HOMEZ: variants seen among roughly 807,000 people sequenced by gnomAD.
The protein encoded by HOMEZ is homeobox and leucine zipper encoding.
In HOMEZ, 20 loss-of-function variants were observed where a neutral mutation model predicts 50.1. The observed-to-expected ratio is 0.40, with a 90% CI of 0.28 to 0.58. HOMEZ has a LOEUF of 0.58. HOMEZ is among the 20% of genes least tolerant of loss of function. The probability of loss-of-function intolerance (pLI) is 0.46; values close to 1 mark genes in which losing one functional copy is unlikely to be tolerated. For synonymous variants in HOMEZ, 239 were observed against 254.7 expected, an observed-to-expected ratio of 0.94 and a Z score of 0.59; for missense variants, 579 against 680.5, an observed-to-expected ratio of 0.85 and a Z score of 1.66.
Position 23,272,762 on chromosome 14 carries a change from A to T in HOMEZ, c.*2813T>A. On this transcript the variant is annotated 3_prime_UTR_variant, in exon 2 of 2. Coordinates refer to ENST00000357460, the MANE Select transcript of HOMEZ (RefSeq NM_020834.3). Reference sequence around the variant, plus strand: ...AAGCTTCATACAACAGGTCAGAGAGACTTGCTTGCCCTTTTTGCTGTTATA... The same window carrying T: ...AAGCTTCATACAACAGGTCAGAGAGTCTTGCTTGCCCTTTTTGCTGTTATA... 9.7e-7 allele frequency: 1 copy of T among 1,026,434 alleles called. No individual in the cohort carries two copies. The highest frequency in any genetic ancestry group is 1.5e-6 in the Non-Finnish European group (1 of 670,428). 63.6% of individuals were successfully genotyped at this position (1,026,434 alleles called of 1,614,324 possible).
At position 23,272,834 on chromosome 14, in the gene HOMEZ, A is replaced by G; in HGVS notation, c.*2741T>C. ...GTCCTCTGCTGCAGACTCTCTACCA[A>G]CAACGGAGGCATATGGGATTACCCA... On this transcript the variant is annotated 3_prime_UTR_variant, in exon 2 of 2. Transcript: ENST00000357460. 2 of 1,548,886 alleles carry G rather than the reference A, an allele frequency of 1.3e-6. No individual in the cohort carries two copies. Among genetic ancestry groups the G allele is most frequent in the Non-Finnish European group, 1.7e-6 (2 of 1,145,826 alleles).
rs1286429535 is a variant in HOMEZ, at chr14:23,273,446, AAAAT to A, written c.*2125_*2128del. On this transcript the variant is annotated 3_prime_UTR_variant, in exon 2 of 2. Coordinates refer to ENST00000357460, the MANE Select transcript of HOMEZ (RefSeq NM_020834.3). ...ATTTTCAGCTTAGTATATAGATAGT[AAAAT>A]AAAGACGATGCCCTTTTATTGCTAC... 1 of 152,288 alleles carries A rather than the reference AAAAT, an allele frequency of 6.6e-6. No homozygotes were observed. Among genetic ancestry groups the A allele is most frequent in the East Asian group, 1.9e-4 (1 of 5,208 alleles). 9.4% of individuals were successfully genotyped at this position (152,288 alleles called of 1,614,324 possible). A position where few individuals can be genotyped will look rare whatever the true frequency, so the allele number is the denominator to read the frequency against.
In HOMEZ at chr14:23,286,067, C is replaced by T. The variant is rs564711322; in HGVS notation, c.-115G>A. On this transcript the variant is annotated 5_prime_UTR_variant, in exon 1 of 2. Transcript: ENST00000357460. ...GATGGCCGAAACCGGGACTGCCCCC[C>T]CCACCGTCCCCGGGAGCGCGCCGGT... 2.1e-5 allele frequency: 26 copies of T among 1,231,066 alleles called. No homozygotes were observed. Among genetic ancestry groups the T allele is most frequent in the Admixed American group, 2.1e-4 (5 of 23,696 alleles). 76.3% of individuals were successfully genotyped at this position (1,231,066 alleles called of 1,614,324 possible). A position where few individuals can be genotyped will look rare whatever the true frequency, so the allele number is the denominator to read the frequency against.
At chr14:23,280,782 T>TAATTTA (rs1297329644) in intron 1 of HOMEZ, among the ~76,000 whole-genome samples, 1 of 140,814 alleles carries the variant, frequency 7.1e-6, no homozygotes. Flanking sequence ...TATTTTATTT[T>TAATTTA]ATTTTATTTG....
intron 1 of HOMEZ, among the ~76,000 whole-genome samples, chr14:23,280,709 ATTT>A (rs1031806493): frequency 3.8e-4 from 19 of 49,770 alleles, no homozygotes; most frequent in Admixed American, 1.8e-3. Context: ...TTATATTTTT[ATTT>A]TTATTTTATT....
chr14:23,278,956 G>A lies in HOMEZ; in HGVS notation c.41-1769C>T, dbSNP rs567132722. ...CTCCCAAAGTGCTGGGATTACAGGC[G>A]TGAGCCACGGCGCCTGGCCAGAATT... On this transcript the variant is annotated intron_variant, in intron 1 of 1. Coordinates refer to ENST00000357460, the MANE Select transcript of HOMEZ (RefSeq NM_020834.3). Among the ~76,000 whole-genome samples the A allele has an allele frequency of 4.5e-4, 69 of 151,812 alleles. 1 individual carries two copies. Among genetic ancestry groups the A allele is most frequent in the African/African-American group, 1.6e-3 (67 of 41,304 alleles).
chr14:23,285,072 A>G (rs1886629927), intron 1 of HOMEZ: 1 of 152,244 alleles, frequency 6.6e-6, no homozygotes, highest in Non-Finnish European at 1.5e-5. Flanking sequence ...CTTAGACACA[A>G]AAACAGTCTC....
In HOMEZ at chr14:23,275,791, A is replaced by G. The variant is rs1463528182; in HGVS notation, c.1437T>C (p.Thr479=). ...YWAAHQQLRE[T]DIPQLSQASR... ...ATGCCTGACTCAATTGAGGGATATC[A>G]GTTTCCCGTAGCTGTTGGTGGGCTG... The change falls in exon 2 of 2, where the codon ACT becomes ACC. Residue 479 remains threonine, a synonymous_variant. Coordinates refer to ENST00000357460, the MANE Select transcript of HOMEZ (RefSeq NM_020834.3). 1.2e-6 allele frequency: 2 copies of G among 1,612,102 alleles called. No individual in the cohort carries two copies. Among genetic ancestry groups the G allele is most frequent in the Non-Finnish European group, 1.7e-6 (2 of 1,178,826 alleles).
rs369109444 is a variant in HOMEZ, at chr14:23,276,389, C to T, written c.839G>A (p.Ser280Asn). The T allele has an allele frequency of 1.2e-6, 2 of 1,613,876 alleles. No individual in the cohort carries two copies. The highest frequency in any genetic ancestry group is 1.7e-6 in the Non-Finnish European group (2 of 1,179,874). ...GGTAGAGGAAGAAGAGGGAGTAACACTAGATGCTGACTCCTCCTTACAACT... is the reference window on the plus strand; with the variant it reads ...GGTAGAGGAAGAAGAGGGAGTAACATTAGATGCTGACTCCTCCTTACAACT... ...ASSCKEESAS[S>N]VTPSSSSTSS... The change falls in exon 2 of 2, where the codon AGT becomes AAT. Residue 280 changes from serine (S) to asparagine (N), a missense_variant. Coordinates refer to ENST00000357460, the MANE Select transcript of HOMEZ (RefSeq NM_020834.3). This position sits in a 1 kb window ranked among gnomAD's most constrained non-coding sequence, Gnocchi z 4.1.
In HOMEZ at chr14:23,273,992, T is replaced by C. The variant is rs1056939251; in HGVS notation, c.*1583A>G. 1 of 152,700 alleles carries C rather than the reference T, an allele frequency of 6.5e-6. No individual in the cohort carries two copies. Among genetic ancestry groups the C allele is most frequent in the African/African-American group, 2.4e-5 (1 of 41,476 alleles). The allele number at this position is 152,700 out of a possible 1,614,324, so 9.5% of individuals were successfully genotyped here. On this transcript the variant is annotated 3_prime_UTR_variant, in exon 2 of 2. Coordinates refer to ENST00000357460, the MANE Select transcript of HOMEZ (RefSeq NM_020834.3). ...TTAAAAGTATGCTGAGTTAGAATGT[T>C]AATGGATTTGGTTCCATTAATCCCT...
chr14:23,283,692 C>T (rs1173387219), intron 1 of HOMEZ, among the ~76,000 whole-genome samples: 1 of 151,986 alleles, frequency 6.6e-6, no homozygotes, highest in East Asian at 1.9e-4. Flanking sequence ...GTCAGGAGTT[C>T]GAGACCAGCC....
intron 1 of HOMEZ, among the ~76,000 whole-genome samples, chr14:23,280,589 C>A (rs927173920): frequency 4.0e-5 from 6 of 151,864 alleles, no homozygotes; most frequent in Non-Finnish European, 8.8e-5. Context: ...CCAGAATATT[C>A]TGTTGACAAT....
rs1334269155 is a variant in HOMEZ at position 23,273,179 on chromosome 14, C to T, written c.*2396G>A. On this transcript the variant is annotated 3_prime_UTR_variant, in exon 2 of 2. Transcript: ENST00000357460. ...TGGAACAAAGGTCAAAAAAATAATT[C>T]TTGGCATCATGCTTGGTTGGGAGTT... is the stretch of plus-strand genomic sequence containing the variant. The T allele has an allele frequency of 4.0e-6, 1 of 250,558 alleles. No individual in the cohort carries two copies. Among genetic ancestry groups the T allele is most frequent in the Non-Finnish European group, 7.7e-6 (1 of 130,282 alleles). 15.5% of individuals were successfully genotyped at this position (250,558 alleles called of 1,614,324 possible).
At position 23,275,724 on chromosome 14, in the gene HOMEZ, G is replaced by C; in HGVS notation, c.1504C>G (p.Arg502Gly). The change falls in exon 2 of 2, where the codon CGA becomes GGA. Residue 502 changes from arginine to glycine, a missense_variant. Physicochemically the swap from Arg to Gly is moderately radical, Grantham distance 125 (BLOSUM62 -2). Coordinates refer to ENST00000357460, the MANE Select transcript of HOMEZ (RefSeq NM_020834.3). ...TQQVLDWFDS[R>G]LPQPAEVVVC... ...ACCACCTCAGCTGGCTGAGGTAATC[G>C]AGAGTCAAACCAATCCAGCACCTGC... 6.2e-7 allele frequency: 1 copy of C among 1,611,674 alleles called. No individual in the cohort carries two copies. Among genetic ancestry groups the C allele is most frequent in the South Asian group, 1.1e-5 (1 of 90,760 alleles).
In HOMEZ at chr14:23,274,676, G is replaced by A. The variant is rs1209249285; in HGVS notation, c.*899C>T. 1 of 152,352 alleles carries A rather than the reference G, an allele frequency of 6.6e-6. No homozygotes were observed. Among genetic ancestry groups the A allele is most frequent in the Admixed American group, 6.5e-5 (1 of 15,286 alleles). The allele number at this position is 152,352 out of a possible 1,614,324, so 9.4% of individuals were successfully genotyped here. On this transcript the variant is annotated 3_prime_UTR_variant, in exon 2 of 2. Coordinates refer to ENST00000357460, the MANE Select transcript of HOMEZ (RefSeq NM_020834.3). The stretch of plus-strand genomic sequence containing the variant: ...TAATCCCAGCACTTTGGGAGGCCAA[G>A]GTGGGCGGATCATGAGGTCAGGAGA...
chr14:23,272,757 G>T lies in HOMEZ; in HGVS notation c.*2818C>A, dbSNP rs1057434426. The T allele has an allele frequency of 3.9e-5, 38 of 985,778 alleles. No individual in the cohort carries two copies. The highest frequency in any genetic ancestry group is 2.1e-5 in the Non-Finnish European group (13 of 633,966). 61.1% of individuals were successfully genotyped at this position (985,778 alleles called of 1,614,324 possible). A position where few individuals can be genotyped will look rare whatever the true frequency, so the allele number is the denominator to read the frequency against. ...TCGATAAGCTTCATACAACAGGTCA[G>T]AGAGACTTGCTTGCCCTTTTTGCTG... On this transcript the variant is annotated 3_prime_UTR_variant, in exon 2 of 2. Transcript: ENST00000357460.
chr14:23,281,436 G>A (rs561638406), intron 1 of HOMEZ, among the ~76,000 whole-genome samples: 1 of 152,198 alleles, frequency 6.6e-6, no homozygotes, highest in Non-Finnish European at 1.5e-5. Flanking sequence ...TGTGATCTCA[G>A]GCAAGTTACT....
intron 1 of HOMEZ, among the ~76,000 whole-genome samples, chr14:23,278,201 T>C (rs1357431831): frequency 6.6e-6 from 1 of 152,122 alleles, no homozygotes; most frequent in East Asian, 1.9e-4. Context: ...AGTGGCACCA[T>C]CATAGCTCTG....
chr14:23,279,849 C>G (rs1203822405), intron 1 of HOMEZ, among the ~76,000 whole-genome samples: 1 of 152,162 alleles, frequency 6.6e-6, no homozygotes, highest in Admixed American at 6.5e-5. Flanking sequence ...TAGGTGCAAT[C>G]ATAATGCACT....
Sources: gnomAD v4.1 joint callset for allele counts (sites outside exome capture counted in the v4.1 genomes callset) on GRCh38, gnomAD v4.1.1 for gene constraint, Gnocchi (gnomAD v3.1) non-coding constraint, MANE v1.5 for transcripts, NCBI Gene and HGNC (gene_info 2026-07-23, HGNC 2026-07-21) for gene names.